TRAPPC9: variants seen among roughly 807,000 people sequenced by gnomAD.
TRAPPC9 encodes the protein IKK2 binding protein.
TRAPPC9 carries 83 observed loss-of-function variants against 124.0 expected under a neutral mutation model. The ratio of observed to expected loss-of-function variants is 0.67; its 90% CI spans 0.56 to 0.80. The LOEUF is 0.80. Among genes scored for constraint, TRAPPC9 ranks in the 30% least tolerant of loss-of-function variants. The pLI is 0.00. For synonymous variants in TRAPPC9, 638 were observed against 617.5 expected, an observed-to-expected ratio of 1.03 and a Z score of -0.49; for missense variants, 1,302 against 1,508.3, an observed-to-expected ratio of 0.86 and a Z score of 2.27.
chr8:139,794,346 C>T (rs551578775), intron 21 of TRAPPC9, among the ~76,000 whole-genome samples: 2 of 152,328 alleles, frequency 1.3e-5, no homozygotes, highest in Admixed American at 6.5e-5. Flanking sequence ...CTCAGGTACT[C>T]GCCTGCAGAC....
rs371573912 is a variant in TRAPPC9 at position 140,443,293 on chromosome 8, A to G, written c.585-4096T>C. On this transcript the variant is annotated intron_variant, in intron 2 of 22. Transcript: ENST00000438773. ...TACTAAAAAATACAAAAAATTAGCC[A>G]GGCGTGGTGGTGGGCGCCTGTAGTC... Among the ~76,000 whole-genome samples, 87 of 145,746 alleles carry G rather than the reference A, an allele frequency of 6.0e-4. 1 individual carries two copies. The Middle Eastern group carries it at 0.019, about 31-fold the overall frequency.
intron 21 of TRAPPC9, among the ~76,000 whole-genome samples, chr8:139,838,457 G>T (rs1407495361): frequency 6.6e-6 from 1 of 152,246 alleles, no homozygotes; most frequent in Non-Finnish European, 1.5e-5. Flanking sequence ...GGCATGTGGG[G>T]TGGCACCAGG....
intron 21 of TRAPPC9, among the ~76,000 whole-genome samples, chr8:139,873,756 C>T (rs370770709): frequency 2.6e-5 from 4 of 152,338 alleles, no homozygotes; most frequent in East Asian, 1.9e-4. Flanking sequence ...CTTCTGTTCT[C>T]GGCCATATTC....
At chr8:140,337,162 G>A (rs894137766) in intron 9 of TRAPPC9, among the ~76,000 whole-genome samples, 3 of 152,148 alleles carry the variant, frequency 2.0e-5, no homozygotes, top group South Asian at 2.1e-4. Context: ...CGCACACGCA[G>A]CCGCGGAAGC....
chr8:139,926,456 C>A (rs1295945670), intron 19 of TRAPPC9, among the ~76,000 whole-genome samples: 1 of 152,176 alleles, frequency 6.6e-6, no homozygotes, highest in Middle Eastern at 3.2e-3. Flanking sequence ...ACAAGACAGT[C>A]TTTAAAGCAG....
At chr8:140,299,745 C>T (rs1349115553) in intron 11 of TRAPPC9, among the ~76,000 whole-genome samples, 1 of 152,204 alleles carries the variant, frequency 6.6e-6, no homozygotes, top group Non-Finnish European at 1.5e-5. Context: ...AGGGACAGGG[C>T]CGGTGGTGCA....
At chr8:139,893,727 C>A (rs145702516) in intron 20 of TRAPPC9, among the ~76,000 whole-genome samples, 3 of 152,346 alleles carry the variant, frequency 2.0e-5, no homozygotes, top group Admixed American at 6.5e-5. Flanking sequence ...GGCTCCCTGA[C>A]GATCTACTCT....
intron 21 of TRAPPC9, among the ~76,000 whole-genome samples, chr8:139,794,233 G>T (rs1336413508): frequency 6.6e-6 from 1 of 152,216 alleles, no homozygotes; most frequent in Non-Finnish European, 1.5e-5. Context: ...CAAGAATCCT[G>T]CCTGGCTCTG....
intron 21 of TRAPPC9, among the ~76,000 whole-genome samples, chr8:139,791,163 G>T (rs1822634995): frequency 6.6e-6 from 1 of 152,170 alleles, no homozygotes; most frequent in Non-Finnish European, 1.5e-5. Flanking sequence ...GTGAGAACAG[G>T]GTCGCAGATC....
chr8:139,996,173 A>AG (rs1837970484), intron 18 of TRAPPC9, among the ~76,000 whole-genome samples: 1 of 147,780 alleles, frequency 6.8e-6, no homozygotes, highest in East Asian at 1.9e-4. Context: ...AAAAAAAAAA[A>AG]AAAAAAAAAG....
intron 21 of TRAPPC9, among the ~76,000 whole-genome samples, chr8:139,783,761 A>G (rs1350038434): frequency 6.6e-6 from 1 of 152,262 alleles, no homozygotes; most frequent in Non-Finnish European, 1.5e-5. Flanking sequence ...TTTTTAGGAT[A>G]CTGAATCCAA....
chr8:140,052,211 AAACAACAAC>A (rs58435328), intron 17 of TRAPPC9, among the ~76,000 whole-genome samples: 4,245 of 151,690 alleles, frequency 0.028, 188 homozygotes, highest in African/African-American at 0.095. Context: ...GTATTCTCCA[AAACAACAAC>A]AACAACAACA....
chr8:140,275,707 C>A lies in TRAPPC9; in HGVS notation c.2229G>T (p.Met743Ile), dbSNP rs2065094179. The change falls in exon 15 of 23, where the codon ATG becomes ATT. Residue 743 changes from methionine (M) to isoleucine (I), a missense_variant. Around this residue, in one of 3 missense-constraint regions of TRAPPC9, gnomAD observed 640 missense variants for 679.3 expected, o/e 0.94. Transcript: ENST00000438773. Reference sequence around the variant, plus strand: ...TGACCTCCAGTTTCTCCAATGGTTCCATTCCAATATTTTCCAATTTAATGA... The same window carrying A: ...TGACCTCCAGTTTCTCCAATGGTTCAATTCCAATATTTTCCAATTTAATGA... Reference protein sequence around the residue: ...QLIIKLENIGMEPLEKLEVTS... With the variant: ...QLIIKLENIGIEPLEKLEVTS... 6.2e-7 allele frequency: 1 copy of A among 1,614,152 alleles called. No individual in the cohort carries two copies. The highest frequency in any genetic ancestry group is 1.1e-5 in the South Asian group (1 of 91,076).
At position 140,249,597 on chromosome 8, in the gene TRAPPC9, C is replaced by CTTTT. The variant is rs35511380; in HGVS notation, c.2431+3176_2431+3179dup. Among the ~76,000 whole-genome samples the CTTTT allele has an allele frequency of 1.3e-3, 109 of 81,980 alleles. 3 individuals are homozygous for CTTTT. Among genetic ancestry groups the CTTTT allele is most frequent in the African/African-American group, 2.3e-3 (44 of 18,788 alleles). The allele number at this position is 81,980 out of a possible 152,430, so 53.8% of individuals were successfully genotyped here. On this transcript the variant is annotated intron_variant, in intron 16 of 22. Coordinates refer to ENST00000438773, the MANE Select transcript of TRAPPC9 (RefSeq NM_001160372.4). ...AAGTGCAGGCAAATCATCTTTCACT[C>CTTTT]TTTTTTTTTTTTTTTTTTTTTTTTG...
chr8:140,048,460 T>C (rs1012375734), intron 17 of TRAPPC9, among the ~76,000 whole-genome samples: 2 of 152,022 alleles, frequency 1.3e-5, no homozygotes, highest in Non-Finnish European at 2.9e-5. Context: ...AATAGCCCTA[T>C]GCCAGGTGCC....
At chr8:140,335,552 G>A (rs2067011605) in intron 9 of TRAPPC9, among the ~76,000 whole-genome samples, 1 of 152,116 alleles carries the variant, frequency 6.6e-6, no homozygotes, top group Non-Finnish European at 1.5e-5. Context: ...AGGATCCTAT[G>A]AGACATTCAG....
At chr8:140,419,445 A>AC (rs1377433128) in intron 5 of TRAPPC9, among the ~76,000 whole-genome samples, 4,869 of 145,122 alleles carry the variant, frequency 0.034, 192 homozygotes, top group African/African-American at 0.093. Context: ...AAAAAAAAAA[A>AC]AAAAAAACAA....
chr8:140,183,998 G>A (rs1303393421), intron 17 of TRAPPC9, among the ~76,000 whole-genome samples: 1 of 137,446 alleles, frequency 7.3e-6, no homozygotes, highest in Non-Finnish European at 1.6e-5. Flanking sequence ...AGGGAGGAGG[G>A]AGGGGAGAAG....
chr8:139,886,448 T>C (rs1830025130), intron 20 of TRAPPC9, among the ~76,000 whole-genome samples: 1 of 152,162 alleles, frequency 6.6e-6, no homozygotes, highest in African/African-American at 2.4e-5. Context: ...AGCAAGCTCA[T>C]AATCGAGGAA....
Sources: allele counts gnomAD v4.1 joint callset (sites outside exome capture counted in the v4.1 genomes callset), GRCh38; gene constraint gnomAD v4.1.1; regional missense constraint gnomAD v4.1.1; transcripts MANE v1.5; gene names NCBI Gene and HGNC (gene_info 2026-07-23, HGNC 2026-07-21).